Variants in KANSL1 observed in about 807,000 individuals in gnomAD.
The protein encoded by KANSL1 is MLL1/MLL complex subunit KANSL1.
A neutral mutation model predicts 103.6 loss-of-function variants in KANSL1; 22 were observed. That is an observed-to-expected ratio of 0.21 (90% CI 0.15 to 0.30). The LOEUF is 0.30. Ranked by LOEUF, KANSL1 falls within the 10% of genes least tolerant of loss-of-function variation. The probability of loss-of-function intolerance (pLI) is 1.00; values close to 1 mark genes in which losing one functional copy is unlikely to be tolerated. For missense variants in KANSL1, 1,337 were observed against 1,399.8 expected (o/e 0.96, Z 0.72); for synonymous variants, 600 against 527.6 (o/e 1.14, Z -1.88).
chr17:46,082,788 G>A (rs1219577397), intron 3 of KANSL1, among the ~76,000 whole-genome samples: 1 of 151,958 alleles, frequency 6.6e-6, no homozygotes, highest in Non-Finnish European at 1.5e-5. Flanking sequence ...CAGCCATTTA[G>A]CATCTTTATT....
intron 2 of KANSL1, among the ~76,000 whole-genome samples, chr17:46,130,648 A>C (rs1270955805): frequency 6.6e-6 from 1 of 152,194 alleles, no homozygotes. Context: ...ATAGCAACAA[A>C]CCTAGAGAGT....
At chr17:46,061,376 G>A (rs1276367702) in intron 6 of KANSL1, among the ~76,000 whole-genome samples, 2 of 151,822 alleles carry the variant, frequency 1.3e-5, no homozygotes, top group African/African-American at 2.4e-5. Flanking sequence ...ATCTTAGTAC[G>A]TTTAGGTTAA....
chr17:46,039,324 C>A (rs147648380), intron 8 of KANSL1, 109 bp from the exon 9 acceptor site: 5 of 1,001,854 alleles, frequency 5.0e-6, no homozygotes, highest in African/African-American at 3.3e-5. Context: ...ATACCCAGGG[C>A]AGCAGGACAG....
intron 2 of KANSL1, among the ~76,000 whole-genome samples, chr17:46,151,243 C>G (rs1918791): frequency 0.14 from 21,954 of 152,228 alleles, 2,136 homozygotes; most frequent in Non-Finnish European, 0.22. Flanking sequence ...TCATTCTATA[C>G]CTGGATCAGC....
At chr17:46,147,544 CCAGCCTGGGTGA>C (rs2044779297) in intron 2 of KANSL1, among the ~76,000 whole-genome samples, 1 of 146,106 alleles carries the variant, frequency 6.8e-6, no homozygotes, top group African/African-American at 2.6e-5. Context: ...ACTAACCCCT[CCAGCCTGGGTGA>C]CAGAGTGAGA....
At chr17:46,139,440 A>T (rs540674339) in intron 2 of KANSL1, among the ~76,000 whole-genome samples, 1 of 152,172 alleles carries the variant, frequency 6.6e-6, no homozygotes, top group Non-Finnish European at 1.5e-5. Context: ...TCTAACATCA[A>T]TTTCTCCACC....
In KANSL1 at chr17:46,031,472, C is replaced by CGG. The variant is rs2077003427; in HGVS notation, c.*3_*4insCC. The CGG allele has an allele frequency of 6.3e-7, 1 of 1,596,190 alleles. No homozygotes were observed. The highest frequency in any genetic ancestry group is 2.3e-5 in the East Asian group (1 of 44,444). Reference sequence around the variant, plus strand: ...GTGAGTCTGTTTAGATGGCTGTCTCCCGCTCATCTGTGAGTCGGGCGCTGA... The same window carrying CGG: ...GTGAGTCTGTTTAGATGGCTGTCTCCGGCGCTCATCTGTGAGTCGGGCGCTGA... On this transcript the variant is annotated 3_prime_UTR_variant, in exon 15 of 15. Transcript: ENST00000432791.
chr17:46,130,619 T>C (rs1163020628), intron 2 of KANSL1, among the ~76,000 whole-genome samples: 1 of 152,214 alleles, frequency 6.6e-6, no homozygotes, highest in Non-Finnish European at 1.5e-5. Flanking sequence ...GGGCTTGAAT[T>C]TTTTAACCGA....
At chr17:46,060,037 T>C (rs1226800586) in intron 6 of KANSL1, among the ~76,000 whole-genome samples, 3 of 152,308 alleles carry the variant, frequency 2.0e-5, no homozygotes, top group African/African-American at 7.2e-5. Flanking sequence ...AAATACTTGA[T>C]ACACGAAGAA....
At chr17:46,199,218 CAG>C (rs1406692681) in intron 1 of KANSL1, among the ~76,000 whole-genome samples, 1 of 152,252 alleles carries the variant, frequency 6.6e-6, no homozygotes, top group African/African-American at 2.4e-5. Context: ...AAGCTGGAAT[CAG>C]GGTCTCTCAG....
chr17:46,079,286 C>T (rs756193479), intron 4 of KANSL1, among the ~76,000 whole-genome samples: 1 of 152,194 alleles, frequency 6.6e-6, no homozygotes, highest in African/African-American at 2.4e-5. Flanking sequence ...TATACTGGTT[C>T]TGTCAATAAA....
At chr17:46,143,763 C>T (rs566742584) in intron 2 of KANSL1, among the ~76,000 whole-genome samples, 52 of 147,066 alleles carry the variant, frequency 3.5e-4, no homozygotes, top group African/African-American at 1.1e-3. Flanking sequence ...GAGATCACGC[C>T]ACTGCCCTCC....
intron 3 of KANSL1, among the ~76,000 whole-genome samples, chr17:46,087,567 A>G (rs1032673793): frequency 6.6e-6 from 1 of 152,226 alleles, no homozygotes; most frequent in African/African-American, 2.4e-5. Context: ...TGAACAGACA[A>G]AGAGACAAAG....
chr17:46,067,010 C>A (rs1168198122), intron 5 of KANSL1, among the ~76,000 whole-genome samples: 6 of 152,196 alleles, frequency 3.9e-5, no homozygotes, highest in Non-Finnish European at 7.3e-5. Context: ...TGATTGAGTT[C>A]TCCTCTACAT....
intron 2 of KANSL1, among the ~76,000 whole-genome samples, chr17:46,127,135 T>A (rs1028200380): frequency 6.6e-6 from 1 of 152,214 alleles, no homozygotes; most frequent in Admixed American, 6.5e-5. Context: ...ACCACTTTCC[T>A]CATAAAAAGT....
intron 2 of KANSL1, among the ~76,000 whole-genome samples, chr17:46,134,353 C>T (rs781327229): frequency 1.1e-4 from 16 of 151,796 alleles, no homozygotes; most frequent in East Asian, 9.7e-4. Flanking sequence ...GCTGAGGTCG[C>T]GCCACTGCAC....
intron 2 of KANSL1, among the ~76,000 whole-genome samples, chr17:46,107,222 G>A (rs536941825): frequency 1.3e-5 from 2 of 152,312 alleles, no homozygotes; most frequent in South Asian, 4.1e-4. Flanking sequence ...GGATCAGGAG[G>A]TCTGCTAATA....
Position 46,050,618 on chromosome 17 carries a change from A to G in KANSL1, c.1935T>C (p.Pro645=), listed in dbSNP as rs1176458279. 6.2e-7 allele frequency: 1 copy of G among 1,614,162 alleles called. No individual in the cohort carries two copies. ...LCGSGSINTM[P]PEIHYEAPLL... ...GAGGGGCTTCATAGTGAATTTCGGGAGGCATGGTGTTGATGCTGCCTGAAC... is the reference window on the plus strand; with the variant it reads ...GAGGGGCTTCATAGTGAATTTCGGGGGGCATGGTGTTGATGCTGCCTGAAC... Residue 645 remains proline (P), a synonymous_variant, in exon 7 of 15, where the codon CCT becomes CCC. Coordinates refer to ENST00000432791, the MANE Select transcript of KANSL1 (RefSeq NM_015443.4).
At chr17:46,190,167 T>C (rs1353959294) in intron 1 of KANSL1, among the ~76,000 whole-genome samples, 2 of 152,238 alleles carry the variant, frequency 1.3e-5, no homozygotes, top group East Asian at 1.9e-4. Context: ...CAATGTAGCA[T>C]TACTAGAGAT....
Sources: allele counts gnomAD v4.1 joint callset (sites outside exome capture counted in the v4.1 genomes callset), GRCh38; gene constraint gnomAD v4.1.1; transcripts MANE v1.5; gene names NCBI Gene and HGNC (gene_info 2026-07-23, HGNC 2026-07-21).